The following CLIP2 variants were observed in gnomAD, a reference collection of about 807,000 sequenced individuals.
The protein encoded by CLIP2 is CAP-Gly domain containing linker protein 2.
A neutral mutation model predicts 111.7 loss-of-function variants in CLIP2; 41 were observed. The observed-to-expected ratio is 0.37, with a 90% CI of 0.29 to 0.48. The LOEUF is 0.48. Ranked by LOEUF, CLIP2 falls within the 20% of genes least tolerant of loss-of-function variation. The pLI is 0.99. For missense variants in CLIP2, 1,160 were observed against 1,422.1 expected, an observed-to-expected ratio of 0.82 and a Z score of 2.96; for synonymous variants, 660 against 644.2, an observed-to-expected ratio of 1.02 and a Z score of -0.37.
intron 1 of CLIP2, among the ~76,000 whole-genome samples, chr7:74,304,633 C>T (rs1788426641): frequency 6.6e-6 from 1 of 150,508 alleles, no homozygotes; most frequent in South Asian, 2.1e-4. Flanking sequence ...CCATGTGCAC[C>T]CCATAGGGCT....
intron 1 of CLIP2, among the ~76,000 whole-genome samples, chr7:74,300,271 G>T (rs1450640625): frequency 6.6e-6 from 1 of 152,050 alleles, no homozygotes; most frequent in African/African-American, 2.4e-5. Context: ...ACAGGCATGA[G>T]CCCCCACACC....
At position 74,401,430 on chromosome 7, in the gene CLIP2, A is replaced by G. The variant is rs3735505; in HGVS notation, c.3067-75A>G. The G allele has an allele frequency of 1.7e-3, 2,445 of 1,417,956 alleles. 28 individuals carry two copies. The East Asian group carries it at 0.034, about 20-fold the overall frequency. The allele number at this position is 1,417,956 out of a possible 1,614,324, so 87.8% of individuals were successfully genotyped here. ...GAGCCTGAGACGGTCCCATGGGAAG[A>G]CCTCGCCATCTAGTGGGAAAATCGG... On this transcript the variant is annotated intron_variant, in intron 15 of 16. Coordinates refer to ENST00000223398, the MANE Select transcript of CLIP2 (RefSeq NM_003388.5).
chr7:74,384,804 T>G (rs1791041419), intron 11 of CLIP2, among the ~76,000 whole-genome samples: 1 of 151,950 alleles, frequency 6.6e-6, no homozygotes, highest in Non-Finnish European at 1.5e-5. Flanking sequence ...GTATTCTTGC[T>G]CATTTTTATA....
At chr7:74,300,457 CT>C (rs34522776) in intron 1 of CLIP2, among the ~76,000 whole-genome samples, 87,075 of 130,148 alleles carry the variant, frequency 0.67, 28,364 homozygotes, top group East Asian at 0.8. Context: ...TGATTTCATT[CT>C]TTTTTTTTTT....
chr7:74,347,557 C>T (rs561537699), intron 3 of CLIP2, among the ~76,000 whole-genome samples: 32 of 152,256 alleles, frequency 2.1e-4, no homozygotes, highest in South Asian at 1.5e-3. Flanking sequence ...CGTGAGCCAC[C>T]GCGTCCGGCC....
intron 1 of CLIP2, among the ~76,000 whole-genome samples, chr7:74,315,073 T>C (rs1318614430): frequency 1.3e-5 from 2 of 152,140 alleles, no homozygotes; most frequent in Non-Finnish European, 2.9e-5. Flanking sequence ...GTCAGGAGTT[T>C]GAGAGCAGTC....
intron 3 of CLIP2, among the ~76,000 whole-genome samples, chr7:74,352,600 A>G (rs1554307756): frequency 6.6e-6 from 1 of 151,850 alleles, no homozygotes; most frequent in African/African-American, 2.4e-5. Flanking sequence ...AGTCAGATCA[A>G]AATTTAGATA....
chr7:74,319,030 C>T (rs1788872136), intron 2 of CLIP2, among the ~76,000 whole-genome samples: 1 of 152,140 alleles, frequency 6.6e-6, no homozygotes, highest in South Asian at 2.1e-4. Flanking sequence ...GGCAGAAGCC[C>T]ATGGGAAAGG....
At chr7:74,352,578 C>T (rs991304463) in intron 3 of CLIP2, among the ~76,000 whole-genome samples, 1 of 151,854 alleles carries the variant, frequency 6.6e-6, no homozygotes, top group Admixed American at 6.6e-5. Context: ...AGTCATAGTA[C>T]TGCAATCCTG....
chr7:74,398,772 G>T (rs200392930), intron 14 of CLIP2, among the ~76,000 whole-genome samples: 2 of 151,984 alleles, frequency 1.3e-5, no homozygotes, highest in African/African-American at 2.4e-5. Context: ...GCTAGCAGGG[G>T]TTGGTGGCTG....
intron 2 of CLIP2, among the ~76,000 whole-genome samples, chr7:74,322,258 T>C (rs1788979788): frequency 6.6e-6 from 1 of 151,362 alleles, no homozygotes; most frequent in Admixed American, 6.6e-5. Flanking sequence ...GCTAAAGTGC[T>C]GGGAGTACAG....
chr7:74,305,392 T>G (rs1017749146), intron 1 of CLIP2, among the ~76,000 whole-genome samples: 1 of 152,098 alleles, frequency 6.6e-6, no homozygotes, highest in Non-Finnish European at 1.5e-5. Context: ...TGCCCTCAGG[T>G]TTGTGCCCTG....
chr7:74,329,038 A>T (rs1554730980), intron 2 of CLIP2, among the ~76,000 whole-genome samples: 2 of 149,208 alleles, frequency 1.3e-5, no homozygotes, highest in East Asian at 2.0e-4. Context: ...TCAGCCTCCC[A>T]AGTAACCGTT....
chr7:74,387,131 C>T (rs1256291197), intron 12 of CLIP2, among the ~76,000 whole-genome samples: 3 of 152,104 alleles, frequency 2.0e-5, no homozygotes, highest in East Asian at 1.9e-4. Flanking sequence ...AATGCCTCCC[C>T]GCCAGCTTCT....
At chr7:74,375,776 G>C (rs1554312641) in intron 9 of CLIP2, 111 bp from the exon 10 acceptor site, 1 of 858,892 alleles carries the variant, frequency 1.2e-6, no homozygotes, top group Non-Finnish European at 1.7e-6. Flanking sequence ...CCACCTGCTG[G>C]GGCTGGTGCC....
At chr7:74,347,696 TAAGAG>T (rs1320167640) in intron 3 of CLIP2, among the ~76,000 whole-genome samples, 1 of 152,118 alleles carries the variant, frequency 6.6e-6, no homozygotes, top group Non-Finnish European at 1.5e-5. Context: ...CTCTGAGAAA[TAAGAG>T]AAGGTGATAC....
chr7:74,327,578 G>T (rs1789151205), intron 2 of CLIP2, among the ~76,000 whole-genome samples: 2 of 152,144 alleles, frequency 1.3e-5, no homozygotes, highest in African/African-American at 4.8e-5. Context: ...GAGCAGGTAG[G>T]ATTGTCCCCA....
At chr7:74,293,542 G>A (rs1243783884) in intron 1 of CLIP2, among the ~76,000 whole-genome samples, 9 of 152,154 alleles carry the variant, frequency 5.9e-5, no homozygotes, top group Non-Finnish European at 8.8e-5. Context: ...GCCTCTGCTC[G>A]GCTAGTGGGG....
At chr7:74,346,081 C>T (rs1276383371) in intron 3 of CLIP2, among the ~76,000 whole-genome samples, 2 of 151,890 alleles carry the variant, frequency 1.3e-5, no homozygotes, top group African/African-American at 2.4e-5. Context: ...TGGGTTCAAG[C>T]GATCCTCCCA....
Sources: allele counts gnomAD v4.1 joint callset (sites outside exome capture counted in the v4.1 genomes callset), GRCh38; gene constraint gnomAD v4.1.1; transcripts MANE v1.5; gene names NCBI Gene and HGNC (gene_info 2026-07-23, HGNC 2026-07-21).